TENM2: variants seen among roughly 807,000 people sequenced by gnomAD.
TENM2 encodes the protein teneurin transmembrane protein 2, also known as teneurin-2.
A neutral mutation model predicts 245.2 loss-of-function variants in TENM2; 52 were observed. The observed-to-expected ratio is 0.21, with a 90% CI of 0.17 to 0.27. TENM2 has a LOEUF of 0.27. TENM2 is among the 10% of genes least tolerant of loss of function. The pLI is 1.00. For synonymous variants in TENM2, 1,363 were observed against 1,438.9 expected (o/e 0.95, Z 1.19); for missense variants, 3,046 against 3,666.8 (o/e 0.83, Z 4.37).
At chr5:167,669,291 A>G (rs1014941990) in intron 2 of TENM2, among the ~76,000 whole-genome samples, 9 of 152,198 alleles carry the variant, frequency 5.9e-5, no homozygotes, top group African/African-American at 2.2e-4. Flanking sequence ...TACCGTTTGT[A>G]GATTGTGGAG....
chr5:167,068,749 A>G, the TENM2 span, among the ~76,000 whole-genome samples: 1 of 152,186 alleles, frequency 6.6e-6, no homozygotes, highest in African/African-American at 2.4e-5. Context: ...AGTGAATAAT[A>G]TTAGTTGACT....
chr5:167,813,831 C>T (rs1180839956), intron 2 of TENM2, among the ~76,000 whole-genome samples: 1 of 152,114 alleles, frequency 6.6e-6, no homozygotes, highest in South Asian at 2.1e-4. Context: ...AATCCTTGAA[C>T]CTGTGCTATA....
At chr5:167,690,170 A>T (rs1465349794) in intron 2 of TENM2, among the ~76,000 whole-genome samples, 1 of 150,820 alleles carries the variant, frequency 6.6e-6, no homozygotes, top group African/African-American at 2.4e-5. Flanking sequence ...GCAGAAGGAA[A>T]AATAATTAAT....
At chr5:167,739,789 A>G (rs1319783695) in intron 2 of TENM2, among the ~76,000 whole-genome samples, 2 of 152,114 alleles carry the variant, frequency 1.3e-5, no homozygotes, top group Admixed American at 1.3e-4. Flanking sequence ...GATGTTTCCC[A>G]TTCTTCCCCG....
upstream of TENM2, among the ~76,000 whole-genome samples, chr5:167,283,486 T>A (rs1771170972): frequency 6.6e-6 from 1 of 152,202 alleles, no homozygotes; most frequent in African/African-American, 2.4e-5. Context: ...AGGGAGGGGC[T>A]ACTTGGCTTC....
At chr5:167,446,141 A>C (rs1030227410) in intron 2 of TENM2, among the ~76,000 whole-genome samples, 21 of 152,264 alleles carry the variant, frequency 1.4e-4, no homozygotes, top group African/African-American at 5.1e-4. Context: ...ATTTAAATAA[A>C]AGTGCTTTGA....
the TENM2 span, among the ~76,000 whole-genome samples, chr5:167,203,647 C>T: frequency 6.6e-6 from 1 of 152,052 alleles, no homozygotes; most frequent in Non-Finnish European, 1.5e-5. Flanking sequence ...TGTTAGCGAC[C>T]ATTTCTTTTC....
chr5:167,455,116 T>C (rs1765834010), intron 2 of TENM2, among the ~76,000 whole-genome samples: 1 of 152,372 alleles, frequency 6.6e-6, no homozygotes, highest in South Asian at 2.1e-4. Flanking sequence ...TTATCTGTTC[T>C]TCCTGTCTTC....
the TENM2 span, among the ~76,000 whole-genome samples, chr5:167,236,684 G>A: frequency 2.0e-5 from 3 of 152,338 alleles, no homozygotes; most frequent in South Asian, 4.1e-4. Flanking sequence ...TGTGCATAAG[G>A]TGAGGATTGA....
At chr5:167,508,881 G>A (rs28651579) in intron 2 of TENM2, among the ~76,000 whole-genome samples, 4,484 of 152,132 alleles carry the variant, frequency 0.029, 138 homozygotes, top group East Asian at 0.08. Context: ...GTGCAATGGC[G>A]TGATCACAGC....
chr5:167,580,299 G>T (rs1218415313), intron 2 of TENM2, among the ~76,000 whole-genome samples: 3 of 152,216 alleles, frequency 2.0e-5, no homozygotes, highest in East Asian at 3.8e-4. Context: ...GAAAAATCTG[G>T]TTTTTGTAAC....
rs930422878 is a variant in TENM2, at chr5:168,174,569, G to A, written c.2569+11812G>A. ...TCAGTAGGTCTGGCAGGAAGCCCAA[G>A]AATGTGCATTTCTCACAAGTGCCCA... is the stretch of plus-strand genomic sequence containing the variant. On this transcript the variant is annotated intron_variant, in intron 13 of 28. Transcript: ENST00000518659. Among the ~76,000 whole-genome samples the A allele has an allele frequency of 9.2e-5, 14 of 152,326 alleles. No homozygotes were observed. The East Asian group carries it at 2.5e-3, about 27-fold the overall frequency.
At chr5:167,332,606 G>A (rs967345912) in intron 1 of TENM2, among the ~76,000 whole-genome samples, 3 of 152,266 alleles carry the variant, frequency 2.0e-5, no homozygotes, top group East Asian at 1.9e-4. Context: ...TGAGTAGCAT[G>A]CGTTTATTCC....
At chr5:167,805,020 A>G (rs1766049212) in intron 2 of TENM2, among the ~76,000 whole-genome samples, 1 of 151,964 alleles carries the variant, frequency 6.6e-6, no homozygotes, top group African/African-American at 2.4e-5. Context: ...ACCTTTGGTG[A>G]CTCTGCACCT....
intron 25 of TENM2, among the ~76,000 whole-genome samples, chr5:168,243,917 C>T (rs1420829288): frequency 6.6e-6 from 1 of 150,442 alleles, no homozygotes; most frequent in African/African-American, 2.4e-5. Context: ...CATACAAATA[C>T]TACCATTTTC....
chr5:168,058,078 G>C (rs997118093), intron 6 of TENM2, among the ~76,000 whole-genome samples: 5 of 152,170 alleles, frequency 3.3e-5, no homozygotes, highest in Non-Finnish European at 7.3e-5. Context: ...GCCTCACATG[G>C]CATAATTACA....
In TENM2 at chr5:167,549,045, C is replaced by T. The variant is rs557345067; in HGVS notation, c.502+173572C>T. The stretch of plus-strand genomic sequence containing the variant: ...TTCTCTCTCCGTCCTTCCTCTCCTG[C>T]CTCTCTTCCTTCTTTCTAGAAGTAT... On this transcript the variant is annotated intron_variant, in intron 2 of 28. Coordinates refer to ENST00000518659, the Ensembl canonical transcript of TENM2. Among the ~76,000 whole-genome samples, 10 of 152,288 alleles carry T rather than the reference C, an allele frequency of 6.6e-5. 1 individual carries two copies. Among genetic ancestry groups the T allele is most frequent in the Middle Eastern group, 3.4e-3 (1 of 294 alleles).
At chr5:167,365,766 C>A (rs75949574) in intron 1 of TENM2, among the ~76,000 whole-genome samples, 4 of 151,912 alleles carry the variant, frequency 2.6e-5, no homozygotes, top group Non-Finnish European at 4.4e-5. Context: ...TATAAAATAA[C>A]CTTAAATAGA....
At chr5:168,049,084 T>C (rs1788859410) in intron 6 of TENM2, among the ~76,000 whole-genome samples, 1 of 152,202 alleles carries the variant, frequency 6.6e-6, no homozygotes, top group Admixed American at 6.5e-5. Flanking sequence ...TTCTTAGTCA[T>C]AGCATTTTTG....
Sources: gnomAD v4.1 joint callset for allele counts (sites outside exome capture counted in the v4.1 genomes callset) on GRCh38, gnomAD v4.1.1 for gene constraint, MANE v1.5 for transcripts, NCBI Gene and HGNC (gene_info 2026-07-23, HGNC 2026-07-21) for gene names.